XNDC1N: variants seen among roughly 807,000 people sequenced by gnomAD.
XNDC1N encodes the protein protein XNDC1N.
chr11:71,891,728 A>G, the XNDC1N span, among the ~76,000 whole-genome samples: 1 of 152,014 alleles, frequency 6.6e-6, no homozygotes, highest in Non-Finnish European at 1.5e-5. Context: ...ACAAAAACAA[A>G]AAAGGGTGTA....
At chr11:71,927,365 A>C in the XNDC1N span, among the ~76,000 whole-genome samples, 1 of 152,094 alleles carries the variant, frequency 6.6e-6, no homozygotes, top group African/African-American at 2.4e-5. Context: ...TCTGCTAAAA[A>C]TATGAAATTT....
chr11:71,873,642 A>G, the XNDC1N span, among the ~76,000 whole-genome samples: 2 of 152,182 alleles, frequency 1.3e-5, no homozygotes, highest in African/African-American at 2.4e-5. Context: ...AACAGAGGCT[A>G]TGAGGTAGAA....
At chr11:71,899,786 C>A in the XNDC1N span, among the ~76,000 whole-genome samples, 2 of 152,178 alleles carry the variant, frequency 1.3e-5, no homozygotes, top group Non-Finnish European at 2.9e-5. Context: ...CTGACCGTCG[C>A]CGAGCCCGAC....
chr11:71,882,462 C>A, the XNDC1N span, among the ~76,000 whole-genome samples: 2 of 152,136 alleles, frequency 1.3e-5, no homozygotes, highest in East Asian at 3.8e-4. Flanking sequence ...AACCCCTGAC[C>A]CCAGGTGATC....
chr11:71,894,608 C>G, the XNDC1N span, among the ~76,000 whole-genome samples: 1 of 152,190 alleles, frequency 6.6e-6, no homozygotes, highest in Non-Finnish European at 1.5e-5. Context: ...TAGCAGAAAC[C>G]TCATGACTGA....
At chr11:71,920,731 A>C in the XNDC1N span, among the ~76,000 whole-genome samples, 4 of 152,238 alleles carry the variant, frequency 2.6e-5, no homozygotes, top group Non-Finnish European at 4.4e-5. Context: ...AATATCAACA[A>C]TAGTGATATT....
the XNDC1N span, among the ~76,000 whole-genome samples, chr11:71,906,969 C>A: frequency 6.6e-6 from 1 of 152,160 alleles, no homozygotes; most frequent in East Asian, 1.9e-4. Context: ...TGACATCCCT[C>A]CAGGATATTC....
the XNDC1N span, among the ~76,000 whole-genome samples, chr11:71,905,849 C>T: frequency 6.6e-6 from 1 of 151,754 alleles, no homozygotes; most frequent in South Asian, 2.1e-4. Context: ...AAATATTATC[C>T]CAGTGGGTGT....
At chr11:71,888,650 T>C in the XNDC1N span, among the ~76,000 whole-genome samples, 1 of 152,198 alleles carries the variant, frequency 6.6e-6, no homozygotes, top group Non-Finnish European at 1.5e-5. Flanking sequence ...ATGGCCCCCC[T>C]GTTGGAGGGC....
the XNDC1N span, among the ~76,000 whole-genome samples, chr11:71,895,475 ATTTTTTTTTTTTTT>A: frequency 3.1e-5 from 3 of 98,354 alleles, no homozygotes; most frequent in South Asian, 1.1e-3. Context: ...ATGCCTGGCT[ATTTTTTTTTTTTTT>A]TTTTTTTTTG....
the XNDC1N span, among the ~76,000 whole-genome samples, chr11:71,873,072 A>G: frequency 3.9e-3 from 601 of 152,226 alleles, 6 homozygotes; most frequent in African/African-American, 0.014. Flanking sequence ...GTCTTACTAA[A>G]TAACTCTACA....
At chr11:71,923,528 G>T in the XNDC1N span, 2 of 589,090 alleles carry the variant, frequency 3.4e-6, no homozygotes, top group South Asian at 2.1e-5. Flanking sequence ...GGTAACAGGA[G>T]TTACTTGCAG....
At chr11:71,921,672 G>T in the XNDC1N span, among the ~76,000 whole-genome samples, 88 of 152,236 alleles carry the variant, frequency 5.8e-4, 2 homozygotes, top group South Asian at 0.018. Context: ...ATCTTACACT[G>T]AGGGGGGTGT....
chr11:71,923,368 C>T, the XNDC1N span: 5 of 702,798 alleles, frequency 7.1e-6, no homozygotes, highest in East Asian at 1.1e-4. Context: ...GGCCCAGCAG[C>T]TGTTTCAAGT....
At chr11:71,920,801 T>C in the XNDC1N span, among the ~76,000 whole-genome samples, 4 of 152,110 alleles carry the variant, frequency 2.6e-5, no homozygotes, top group African/African-American at 9.7e-5. Context: ...CGATCTTGGG[T>C]AAACTACTTT....
chr11:71,879,096 T>C, the XNDC1N span, among the ~76,000 whole-genome samples: 3 of 151,964 alleles, frequency 2.0e-5, no homozygotes, highest in Non-Finnish European at 2.9e-5. Flanking sequence ...ATTTAAAGAA[T>C]TGGAAAAATG....
the XNDC1N span, chr11:71,918,753 T>G: frequency 1.6e-6 from 1 of 616,370 alleles, no homozygotes; most frequent in East Asian, 2.7e-5. Context: ...ACATTTCCCT[T>G]TGACACCCAG....
At chr11:71,893,782 C>T in the XNDC1N span, 3 of 1,095,896 alleles carry the variant, frequency 2.7e-6, no homozygotes, top group South Asian at 2.6e-5. Context: ...TTCCTTCTTG[C>T]TCCTTTTTGC....
chr11:71,916,510 ATGAATTCTATACCT>A, the XNDC1N span: 1 of 441,096 alleles, frequency 2.3e-6, no homozygotes, highest in South Asian at 3.1e-5. Context: ...TATTCTCAGC[ATGAATTCTATACCT>A]CTCCAGGGAC....
Sources: allele counts gnomAD v4.1 joint callset (sites outside exome capture counted in the v4.1 genomes callset), GRCh38; gene constraint gnomAD v4.1.1; transcripts MANE v1.5; gene names NCBI Gene and HGNC (gene_info 2026-07-23, HGNC 2026-07-21).